STXBP6: variants seen among roughly 807,000 people sequenced by gnomAD.
STXBP6 encodes syntaxin binding protein 6, also known as syntaxin-binding protein 6.
STXBP6 carries 21 observed loss-of-function variants against 26.9 expected under a neutral mutation model. The ratio of observed to expected loss-of-function variants is 0.78; its 90% CI spans 0.55 to 1.12. The LOEUF (loss-of-function observed/expected upper bound fraction) is 1.12, where lower values mean the gene tolerates loss of function less well. Ranked by LOEUF, STXBP6 falls within the 50% of genes most tolerant of loss-of-function variation. The pLI is 0.00. For missense variants in STXBP6, 232 were observed against 257.9 expected (o/e 0.90, Z 0.69); for synonymous variants, 97 against 92.6 (o/e 1.05, Z -0.27).
intron 2 of STXBP6, among the ~76,000 whole-genome samples, chr14:24,891,275 T>A (rs910875088): frequency 6.6e-6 from 1 of 152,164 alleles, no homozygotes; most frequent in African/African-American, 2.4e-5. Flanking sequence ...AAAGTGCCTA[T>A]TTAAATAAAG....
At chr14:24,852,932 C>A (rs1305787126) in intron 4 of STXBP6, among the ~76,000 whole-genome samples, 1 of 152,090 alleles carries the variant, frequency 6.6e-6, no homozygotes, top group East Asian at 1.9e-4. Flanking sequence ...AGTTATATGA[C>A]CCTTGGCAAG....
chr14:24,969,240 C>G (rs891303065), intron 2 of STXBP6, among the ~76,000 whole-genome samples: 4 of 152,158 alleles, frequency 2.6e-5, no homozygotes, highest in Admixed American at 2.0e-4. Context: ...AAAGAATGTA[C>G]TAATCACAAA....
chr14:24,948,815 A>G (rs1036934755), intron 2 of STXBP6, among the ~76,000 whole-genome samples: 1 of 152,212 alleles, frequency 6.6e-6, no homozygotes, highest in Non-Finnish European at 1.5e-5. Context: ...GTCACACATA[A>G]CAATAAAGAC....
intron 2 of STXBP6, among the ~76,000 whole-genome samples, chr14:24,902,389 T>C (rs1036453898): frequency 3.0e-4 from 45 of 152,176 alleles, no homozygotes; most frequent in African/African-American, 1.1e-3. Flanking sequence ...ATATGGTTGC[T>C]ATGGACTGAA....
chr14:24,829,569 C>T (rs557733926), intron 4 of STXBP6, among the ~76,000 whole-genome samples: 1 of 152,314 alleles, frequency 6.6e-6, no homozygotes, highest in South Asian at 2.1e-4. Context: ...ACTTTGCAGA[C>T]ACTGGTTACT....
intron 2 of STXBP6, among the ~76,000 whole-genome samples, chr14:24,898,894 C>T (rs998769005): frequency 6.6e-6 from 1 of 152,118 alleles, no homozygotes; most frequent in Non-Finnish European, 1.5e-5. Context: ...TGACTCTTAC[C>T]AAACCTCTAT....
At position 24,891,127 on chromosome 14, in the gene STXBP6, C is replaced by T. The variant is rs1392951988; in HGVS notation, c.155-33970G>A. ...TTTCCTAAGGAAGGGCTCGTAATGT[C>T]TTCTGTGCACAGATAACTTTGGACA... On this transcript the variant is annotated intron_variant, in intron 2 of 5. Transcript: ENST00000323944. Among the ~76,000 whole-genome samples the T allele has an allele frequency of 3.3e-5, 5 of 152,150 alleles. No homozygotes were observed. In the East Asian group the frequency reaches 9.6e-4, roughly 29 times the overall value.
intron 2 of STXBP6, among the ~76,000 whole-genome samples, chr14:24,930,215 T>TA (rs202005891): frequency 0.024 from 3,589 of 152,326 alleles, 148 homozygotes; most frequent in African/African-American, 0.081. Flanking sequence ...CACGTGGGGA[T>TA]AATAGCCTGC....
chr14:25,046,742 T>C (rs1235471301), intron 1 of STXBP6, among the ~76,000 whole-genome samples: 3 of 152,272 alleles, frequency 2.0e-5, no homozygotes, highest in South Asian at 4.1e-4. Context: ...TAGGAAGTCA[T>C]GGTGAGCTCA....
chr14:25,005,326 T>C (rs931894815), intron 1 of STXBP6, among the ~76,000 whole-genome samples: 3 of 152,154 alleles, frequency 2.0e-5, no homozygotes, highest in Non-Finnish European at 1.5e-5. Flanking sequence ...ACAAACCATA[T>C]TCAAAATGAA....
At chr14:24,986,382 A>G (rs946583134) in intron 1 of STXBP6, among the ~76,000 whole-genome samples, 6 of 152,106 alleles carry the variant, frequency 3.9e-5, no homozygotes, top group Non-Finnish European at 8.8e-5. Context: ...ATTGACTCCA[A>G]CTGAGCCCCT....
At chr14:24,881,419 A>G (rs1201596785) in intron 2 of STXBP6, among the ~76,000 whole-genome samples, 1 of 152,240 alleles carries the variant, frequency 6.6e-6, no homozygotes, top group African/African-American at 2.4e-5. Flanking sequence ...GACTCCATTC[A>G]AAATACCATG....
intron 5 of STXBP6, chr14:24,817,974 C>T (rs1415082751): frequency 4.3e-5 from 19 of 445,874 alleles, no homozygotes; most frequent in South Asian, 2.4e-4. Context: ...TGGACCTGAG[C>T]GTGAGCCTCC....
At chr14:24,998,177 T>A (rs1335047773) in intron 1 of STXBP6, among the ~76,000 whole-genome samples, 2 of 152,206 alleles carry the variant, frequency 1.3e-5, no homozygotes, top group Non-Finnish European at 2.9e-5. Flanking sequence ...CTAGGTATTA[T>A]CAGTTGTACT....
chr14:25,016,487 T>C (rs1291168161), intron 1 of STXBP6, among the ~76,000 whole-genome samples: 1 of 152,144 alleles, frequency 6.6e-6, no homozygotes, highest in Non-Finnish European at 1.5e-5. Flanking sequence ...CCAAATCCTT[T>C]GTAGTGGGGA....
intron 4 of STXBP6, among the ~76,000 whole-genome samples, chr14:24,838,570 G>A (rs2068692456): frequency 6.6e-6 from 1 of 152,080 alleles, no homozygotes. Context: ...TGTAGTCCCA[G>A]CTATTCGGGA....
rs552562019 is a variant in STXBP6, at chr14:24,945,139, A to ATTTTTTTTTTTTTTTTTTTTTTTTT, written c.154+29501_154+29525dup. Among the ~76,000 whole-genome samples the ATTTTTTTTTTTTTTTTTTTTTTTTT allele has an allele frequency of 1.2e-4, 12 of 100,718 alleles. 4 individuals carry two copies. The highest frequency in any genetic ancestry group is 2.9e-4 in the African/African-American group (8 of 27,540). 66.1% of individuals were successfully genotyped at this position (100,718 alleles called of 152,430 possible). ...TGGCATGTATATGAACCAATTAGGA[A>ATTTTTTTTTTTTTTTTTTTTTTTTT]TTTTTTTTTTTTTTTTTTTTTTTTT... On this transcript the variant is annotated intron_variant, in intron 2 of 5. Transcript: ENST00000323944.
chr14:24,929,993 T>C (rs1464613153), intron 2 of STXBP6, among the ~76,000 whole-genome samples: 2 of 152,222 alleles, frequency 1.3e-5, no homozygotes, highest in Non-Finnish European at 2.9e-5. Context: ...GTCCTCTAGA[T>C]AGAAGGCTGA....
At chr14:24,976,850 C>CTGTTTTTTTTTTTTTT (rs2074057579) in intron 1 of STXBP6, among the ~76,000 whole-genome samples, 1 of 70,306 alleles carries the variant, frequency 1.4e-5, no homozygotes, top group African/African-American at 8.7e-5. Flanking sequence ...TGACTGGGCG[C>CTGTTTTTTTTTTTTTT]TCTTTTTTTT....
Sources: gnomAD v4.1 joint callset for allele counts (sites outside exome capture counted in the v4.1 genomes callset) on GRCh38, gnomAD v4.1.1 for gene constraint, MANE v1.5 for transcripts, NCBI Gene and HGNC (gene_info 2026-07-23, HGNC 2026-07-21) for gene names.